The following CCDC73 variants were observed in gnomAD, a reference collection of about 807,000 sequenced individuals.
CCDC73 encodes coiled-coil domain containing 73.
Under a neutral mutation model 116.5 loss-of-function variants are expected in CCDC73, and 95 were observed. That is an observed-to-expected ratio of 0.82 (90% CI 0.69 to 0.97). CCDC73 has a LOEUF of 0.97. Ranked by LOEUF, CCDC73 falls within the 50% of genes least tolerant of loss-of-function variation. The pLI, the probability that CCDC73 is intolerant of heterozygous loss-of-function variation, is 0.00. For missense variants in CCDC73, 1,066 were observed against 1,206.8 expected (o/e 0.88, Z 1.73); for synonymous variants, 398 against 401.3 (o/e 0.99, Z 0.10).
At chr11:32,700,203 T>A (rs572702482) in intron 5 of CCDC73, among the ~76,000 whole-genome samples, 2 of 152,104 alleles carry the variant, frequency 1.3e-5, no homozygotes, top group East Asian at 3.9e-4. Flanking sequence ...TATGGGAGAA[T>A]TTTTTACAGA....
chr11:32,734,123 A>G (rs981525325), intron 2 of CCDC73, among the ~76,000 whole-genome samples: 1 of 152,246 alleles, frequency 6.6e-6, no homozygotes, highest in Non-Finnish European at 1.5e-5. Context: ...ACAAACTACC[A>G]TCAGAGAATA....
intron 12 of CCDC73, among the ~76,000 whole-genome samples, chr11:32,645,901 T>G (rs954957341): frequency 2.6e-5 from 4 of 152,252 alleles, no homozygotes; most frequent in Non-Finnish European, 5.9e-5. Flanking sequence ...AACATTGTTA[T>G]GTGGTGCATA....
At chr11:32,755,508 T>A (rs1850324944) in intron 2 of CCDC73, among the ~76,000 whole-genome samples, 1 of 140,414 alleles carries the variant, frequency 7.1e-6, no homozygotes, top group African/African-American at 2.7e-5. Context: ...CACTCCAGCC[T>A]GGGTGACAAA....
intron 1 of CCDC73, among the ~76,000 whole-genome samples, chr11:32,761,919 A>T (rs1275246867): frequency 6.6e-6 from 1 of 152,178 alleles, no homozygotes; most frequent in Non-Finnish European, 1.5e-5. Flanking sequence ...CTGGAAGCAA[A>T]ATTCCCACTT....
At chr11:32,673,152 A>G (rs1379627656) in intron 9 of CCDC73, among the ~76,000 whole-genome samples, 1 of 152,208 alleles carries the variant, frequency 6.6e-6, no homozygotes, top group Non-Finnish European at 1.5e-5. Context: ...ACAGATGACA[A>G]GTAGGTATAT....
intron 2 of CCDC73, among the ~76,000 whole-genome samples, chr11:32,722,412 G>A (rs1849997821): frequency 6.6e-6 from 1 of 152,116 alleles, no homozygotes; most frequent in South Asian, 2.1e-4. Flanking sequence ...GAAGTACATT[G>A]GATCTTTACA....
Position 32,683,588 on chromosome 11 carries a change from G to GA in CCDC73, c.391-15_391-14insT, listed in dbSNP as rs1383951546. ...GTATTTAGAAACCTTGAAAAATAAG[G>GA]GGGAAAAATCTCATTAAAATACTTT... On this transcript the variant is annotated splice_polypyrimidine_tract_variant and intron_variant, in intron 6 of 17. Coordinates refer to ENST00000335185, the MANE Select transcript of CCDC73 (RefSeq NM_001008391.4). 2 of 1,430,930 alleles carry GA rather than the reference G, an allele frequency of 1.4e-6. No individual in the cohort carries two copies. Among genetic ancestry groups the GA allele is most frequent in the African/African-American group, 1.4e-5 (1 of 70,406 alleles). The allele number at this position is 1,430,930 out of a possible 1,614,324, so 88.6% of individuals were successfully genotyped here. A position where few individuals can be genotyped will look rare whatever the true frequency, so the allele number is the denominator to read the frequency against.
At chr11:32,793,467 G>A (rs1053362485) in intron 1 of CCDC73, among the ~76,000 whole-genome samples, 4 of 152,146 alleles carry the variant, frequency 2.6e-5, no homozygotes, top group Non-Finnish European at 5.9e-5. Context: ...AATATAAGCA[G>A]AAGACTCCGT....
chr11:32,656,778 A>G (rs1855877694), intron 9 of CCDC73, among the ~76,000 whole-genome samples: 1 of 152,212 alleles, frequency 6.6e-6, no homozygotes, highest in East Asian at 1.9e-4. Flanking sequence ...TTTGCTGACT[A>G]AATCAGTGTG....
intron 3 of CCDC73, among the ~76,000 whole-genome samples, chr11:32,707,903 C>T (rs1409449782): frequency 6.6e-6 from 1 of 152,120 alleles, no homozygotes; most frequent in Non-Finnish European, 1.5e-5. Context: ...AATAATGGAA[C>T]ATCTCCCTCA....
At chr11:32,660,152 T>C (rs2748353) in intron 9 of CCDC73, among the ~76,000 whole-genome samples, 63,055 of 148,462 alleles carry the variant, frequency 0.42, 13,512 homozygotes, top group Middle Eastern at 0.47. Flanking sequence ...CAAAACAAAG[T>C]GAGGCAAGGT....
intron 1 of CCDC73, among the ~76,000 whole-genome samples, chr11:32,765,677 G>A (rs1048087645): frequency 6.6e-6 from 1 of 152,180 alleles, no homozygotes; most frequent in Non-Finnish European, 1.5e-5. Context: ...ATCTAAAATT[G>A]ACACCCTAAC....
chr11:32,803,806 T>C, the CCDC73 span, among the ~76,000 whole-genome samples: 1 of 152,142 alleles, frequency 6.6e-6, no homozygotes, highest in African/African-American at 2.4e-5. Flanking sequence ...GGTGTTTTGT[T>C]TGTTTGTTTG....
chr11:32,694,528 GGC>G (rs1284103798), intron 6 of CCDC73, among the ~76,000 whole-genome samples: 1 of 151,966 alleles, frequency 6.6e-6, no homozygotes, highest in Non-Finnish European at 1.5e-5. Flanking sequence ...AAACCAATGT[GGC>G]ACACGTTTAC....
chr11:32,762,641 G>A (rs978496914), intron 1 of CCDC73, among the ~76,000 whole-genome samples: 6 of 152,124 alleles, frequency 3.9e-5, no homozygotes, highest in Non-Finnish European at 5.9e-5. Flanking sequence ...AGAGGAGAAA[G>A]ATGGCCAAAT....
chr11:32,612,527 C>A (rs1160945547), intron 16 of CCDC73, among the ~76,000 whole-genome samples: 1 of 151,448 alleles, frequency 6.6e-6, no homozygotes, highest in East Asian at 1.9e-4. Flanking sequence ...TCACTTGAGC[C>A]CAGAAGTTCA....
chr11:32,724,277 T>C (rs1226322448), intron 2 of CCDC73, among the ~76,000 whole-genome samples: 3 of 152,174 alleles, frequency 2.0e-5, no homozygotes, highest in African/African-American at 7.2e-5. Flanking sequence ...CAAAAATTTA[T>C]TCTTTAGATA....
chr11:32,730,250 C>A (rs893484598), intron 2 of CCDC73, among the ~76,000 whole-genome samples: 1 of 152,186 alleles, frequency 6.6e-6, no homozygotes, highest in Non-Finnish European at 1.5e-5. Flanking sequence ...ACATAGCAAA[C>A]CCCTCTCCTA....
intron 14 of CCDC73, among the ~76,000 whole-genome samples, chr11:32,628,558 T>C (rs897738483): frequency 2.6e-5 from 4 of 152,310 alleles, no homozygotes; most frequent in Admixed American, 2.6e-4. Flanking sequence ...AGGAATGAAC[T>C]TACTGAATAA....
Sources: gnomAD v4.1 joint callset for allele counts (sites outside exome capture counted in the v4.1 genomes callset) on GRCh38, gnomAD v4.1.1 for gene constraint, MANE v1.5 for transcripts, NCBI Gene and HGNC (gene_info 2026-07-23, HGNC 2026-07-21) for gene names.